CCSER2: variants seen among roughly 807,000 people sequenced by gnomAD.
CCSER2 encodes coiled-coil serine rich protein 2, also known as serine-rich coiled-coil domain-containing protein 2.
CCSER2 carries 46 observed loss-of-function variants against 92.3 expected under a neutral mutation model. That is an observed-to-expected ratio of 0.50 (90% CI 0.39 to 0.64). The LOEUF (loss-of-function observed/expected upper bound fraction) is 0.64, where lower values mean the gene tolerates loss of function less well. CCSER2 is among the 30% of genes least tolerant of loss of function. CCSER2 has a pLI of 0.00. For synonymous variants in CCSER2, 433 were observed against 431.4 expected, an observed-to-expected ratio of 1.00 and a Z score of -0.04; for missense variants, 1,244 against 1,238.9, an observed-to-expected ratio of 1.00 and a Z score of -0.06.
intron 6 of CCSER2, among the ~76,000 whole-genome samples, chr10:84,456,659 C>G (rs754879134): frequency 6.6e-6 from 1 of 152,068 alleles, no homozygotes; most frequent in Non-Finnish European, 1.5e-5. Flanking sequence ...AAGAAACTAC[C>G]AAACTGTTTT....
chr10:84,412,968 T>C (rs1842726814), intron 3 of CCSER2, among the ~76,000 whole-genome samples: 1 of 152,224 alleles, frequency 6.6e-6, no homozygotes, highest in African/African-American at 2.4e-5. Context: ...ATTGTTTCTA[T>C]TTCTGTGGGG....
intron 6 of CCSER2, among the ~76,000 whole-genome samples, chr10:84,459,761 C>T (rs564232117): frequency 3.5e-4 from 53 of 152,168 alleles, no homozygotes; most frequent in East Asian, 1.2e-3. Context: ...TGGGCTCAAG[C>T]GACCTGCCCC....
intron 3 of CCSER2, among the ~76,000 whole-genome samples, chr10:84,408,848 A>C (rs1842502631): frequency 6.6e-6 from 1 of 152,136 alleles, no homozygotes; most frequent in African/African-American, 2.4e-5. Flanking sequence ...ACACATACAC[A>C]AACAGCCAAA....
At chr10:84,505,142 C>T (rs972468702) in intron 9 of CCSER2, among the ~76,000 whole-genome samples, 1 of 152,046 alleles carries the variant, frequency 6.6e-6, no homozygotes, top group African/African-American at 2.4e-5. Context: ...TATATATACA[C>T]ACATTTTTAT....
At chr10:84,344,868 A>G (rs990102798) in intron 1 of CCSER2, among the ~76,000 whole-genome samples, 1 of 152,182 alleles carries the variant, frequency 6.6e-6, no homozygotes, top group Non-Finnish European at 1.5e-5. Context: ...CTCACTAGCT[A>G]TGTGTCTATA....
At chr10:84,479,889 T>C (rs1847358975) in intron 9 of CCSER2, among the ~76,000 whole-genome samples, 1 of 152,042 alleles carries the variant, frequency 6.6e-6, no homozygotes, top group Non-Finnish European at 1.5e-5. Flanking sequence ...ATCATAGCTC[T>C]GGGAAGGGAG....
At chr10:84,439,901 A>T (rs939560873) in intron 6 of CCSER2, among the ~76,000 whole-genome samples, 9 of 152,226 alleles carry the variant, frequency 5.9e-5, no homozygotes, top group Non-Finnish European at 1.5e-5. Context: ...TGATTTTTTG[A>T]TTAGGAGTTT....
Position 84,445,059 on chromosome 10 carries a change from A to G in CCSER2, c.2064+6352A>G, listed in dbSNP as rs904839028. ...TTAGCTTAATACCTCTGTATAGTTT[A>G]TTGCCTGATTTAGAAATTTTGAATA... On this transcript the variant is annotated intron_variant, in intron 6 of 9. Transcript: ENST00000372088. 6.6e-5 allele frequency among the ~76,000 whole-genome samples: 10 copies of G among 152,322 alleles called. No individual in the cohort carries two copies. The South Asian group carries it at 1.0e-3, about 16-fold the overall frequency.
chr10:84,463,872 T>G (rs1242209607), intron 6 of CCSER2, 61 bp from the exon 7 acceptor site: 15 of 1,151,724 alleles, frequency 1.3e-5, no homozygotes, highest in Non-Finnish European at 2.0e-5. Context: ...AAATTCAGGT[T>G]GAACTGAATG....
At chr10:84,452,235 T>C (rs910588122) in intron 6 of CCSER2, 1 of 152,184 alleles carries the variant, frequency 6.6e-6, no homozygotes, top group African/African-American at 2.4e-5. Context: ...CAAGTATCCA[T>C]GTCCATTGCA....
intron 6 of CCSER2, among the ~76,000 whole-genome samples, chr10:84,462,106 T>C (rs1846134424): frequency 6.6e-6 from 1 of 152,174 alleles, no homozygotes; most frequent in Non-Finnish European, 1.5e-5. Flanking sequence ...AGGTTATTTT[T>C]CAAAGTCTTT....
chr10:84,371,373 A>C lies in CCSER2; in HGVS notation c.321A>C (p.Lys107Asn). Residue 107 changes from lysine to asparagine, a missense_variant, in exon 2 of 10, where the codon AAA becomes AAC. Lys to Asn is a moderately conservative substitution (Grantham distance 94). Transcript: ENST00000372088. ...TTCCTACTCAAGGAATGTTTGATAA[A>C]AATGGGATAAAGGGAGGTTTGAAAA... ...KRVPTQGMFD[K>N]NGIKGGLKSV... The C allele has an allele frequency of 1.2e-6, 2 of 1,613,634 alleles. No homozygotes were observed. Among genetic ancestry groups the C allele is most frequent in the Non-Finnish European group, 1.7e-6 (2 of 1,179,824 alleles).
At chr10:84,429,391 A>G (rs34287465) in intron 5 of CCSER2, among the ~76,000 whole-genome samples, 31,898 of 152,016 alleles carry the variant, frequency 0.21, 3,602 homozygotes, top group Admixed American at 0.34. Context: ...ACTTCACTAT[A>G]TATTGTAGGG....
chr10:84,425,709 T>G, intron 4 of CCSER2, 22 bp from the exon 5 acceptor site: 6 of 1,559,996 alleles, frequency 3.8e-6, no homozygotes, highest in Non-Finnish European at 4.4e-6. Flanking sequence ...GTTTATAGTC[T>G]TTTGCTTTTG....
At chr10:84,415,607 T>C (rs1332291006) in intron 3 of CCSER2, among the ~76,000 whole-genome samples, 4 of 152,190 alleles carry the variant, frequency 2.6e-5, no homozygotes, top group African/African-American at 9.7e-5. Flanking sequence ...GGAGACCCTG[T>C]TGGGTGATCT....
intron 3 of CCSER2, among the ~76,000 whole-genome samples, chr10:84,410,798 A>G (rs1021809895): frequency 6.6e-6 from 1 of 152,154 alleles, no homozygotes; most frequent in Non-Finnish European, 1.5e-5. Flanking sequence ...CTTTTGTTGT[A>G]ATGCTTTTGG....
At chr10:84,419,442 C>G (rs1843034069) in intron 4 of CCSER2, among the ~76,000 whole-genome samples, 1 of 152,154 alleles carries the variant, frequency 6.6e-6, no homozygotes, top group African/African-American at 2.4e-5. Flanking sequence ...ACACTTATTT[C>G]TAAGCACATT....
Position 84,513,960 on chromosome 10 carries a change from C to T in CCSER2, c.2837C>T (p.Thr946Ile), listed in dbSNP as rs1039416178. The change falls in exon 10 of 10, where the codon ACT becomes ATT. Residue 946 changes from threonine (T) to isoleucine (I), a missense_variant. Thr to Ile is a moderately conservative substitution (Grantham distance 89). Transcript: ENST00000372088. ...VSESSPSRTP[T>I]CKKSPIITTC... is the part of the protein sequence containing the mutation. ...GAATCATCTCCAAGTAGGACTCCCA[C>T]TTGTAAAAAGTCACCAATAATCACA... 3.9e-6 allele frequency: 6 copies of T among 1,536,568 alleles called. No homozygotes were observed. The African/African-American group carries it at 5.5e-5, about 14-fold the overall frequency.
chr10:84,438,525 A>G lies in CCSER2; in HGVS notation c.1882A>G (p.Arg628Gly). Reference protein sequence around the residue: ...KSDLSRGSPYRESPLGHFESY... With the variant: ...KSDLSRGSPYGESPLGHFESY... The stretch of plus-strand genomic sequence containing the variant: ...CTGCCCTTCCAGAGGCTCTCCCTAT[A>G]GAGAATCTCCTTTGGGTCATTTTGA... Residue 628 changes from arginine (R) to glycine (G), a missense_variant, in exon 6 of 10, where the codon AGA becomes GGA. Transcript: ENST00000372088. 1 of 1,605,306 alleles carries G rather than the reference A, an allele frequency of 6.2e-7. No individual in the cohort carries two copies. Among genetic ancestry groups the G allele is most frequent in the Non-Finnish European group, 8.5e-7 (1 of 1,174,848 alleles).
Sources: allele counts gnomAD v4.1 joint callset (sites outside exome capture counted in the v4.1 genomes callset), GRCh38; gene constraint gnomAD v4.1.1; transcripts MANE v1.5; gene names NCBI Gene and HGNC (gene_info 2026-07-23, HGNC 2026-07-21).